Variants in SH3BP4 observed in about 807,000 individuals in gnomAD.
SH3BP4 encodes the protein SH3 domain-binding protein 4.
In SH3BP4, 33 loss-of-function variants were observed where a neutral mutation model predicts 65.5. That is an observed-to-expected ratio of 0.50 (90% confidence interval 0.38 to 0.67). The LOEUF is 0.67. Among genes scored for constraint, SH3BP4 ranks in the 30% least tolerant of loss-of-function variants. The pLI, the probability that SH3BP4 is intolerant of heterozygous loss-of-function variation, is 0.00. For synonymous variants in SH3BP4, 552 were observed against 545.5 expected, an observed-to-expected ratio of 1.01 and a Z score of -0.17; for missense variants, 1,134 against 1,261.4, an observed-to-expected ratio of 0.90 and a Z score of 1.53.
intron 1 of SH3BP4, among the ~76,000 whole-genome samples, chr2:234,971,234 G>T (rs112928604): frequency 2.0e-5 from 3 of 152,156 alleles, no homozygotes; most frequent in Middle Eastern, 3.2e-3. Context: ...GGTACCTCAC[G>T]TAGGTGGAAT....
chr2:234,988,043 G>A (rs548133287), intron 1 of SH3BP4, among the ~76,000 whole-genome samples: 2 of 152,080 alleles, frequency 1.3e-5, no homozygotes, highest in Non-Finnish European at 2.9e-5. Context: ...GGTGTTTAAT[G>A]TCATTTAGCT....
chr2:235,042,116 G>C lies in SH3BP4; in HGVS notation c.1347G>C (p.Met449Ile). The C allele has an allele frequency of 6.2e-7, 1 of 1,614,064 alleles. No individual in the cohort carries two copies. The highest frequency in any genetic ancestry group is 1.3e-5 in the African/African-American group (1 of 75,060). ...QAQLHNLEPC[M>I]YVAVVAHGPS... Reference sequence around the variant, plus strand: ...AGCTGCACAACCTGGAGCCCTGTATGTACGTGGCTGTCGTGGCCCATGGCC... The same window carrying C: ...AGCTGCACAACCTGGAGCCCTGTATCTACGTGGCTGTCGTGGCCCATGGCC... Residue 449 changes from methionine to isoleucine, a missense_variant, in exon 4 of 6, where the codon ATG becomes ATC. By Grantham distance (10) the Met-to-Ile change is conservative. Transcript: ENST00000392011. The surrounding 1 kb of genome is among the most constrained non-coding windows in gnomAD (Gnocchi z 7.3).
At chr2:234,984,000 G>T (rs560483317) in intron 1 of SH3BP4, among the ~76,000 whole-genome samples, 1 of 152,214 alleles carries the variant, frequency 6.6e-6, no homozygotes, top group East Asian at 1.9e-4. Flanking sequence ...GGAAAGTCAC[G>T]CAGGGTTCTG....
rs1306922771 is a variant in SH3BP4 at position 235,052,076 on chromosome 2, A to T, written c.2479-486A>T. ...GGCCTCCGTCTGGAAGCAGTGGGGG[A>T]GAAGGGGTTGCAGGCCTGCCTCTCC... On this transcript the variant is annotated intron_variant, in intron 4 of 5. Coordinates refer to ENST00000392011, the MANE Select transcript of SH3BP4 (RefSeq NM_014521.3). This position sits in a 1 kb window ranked among gnomAD's most constrained non-coding sequence, Gnocchi z 5.0. 6.6e-6 allele frequency among the ~76,000 whole-genome samples: 1 copy of T among 152,056 alleles called. No homozygotes were observed. The highest frequency in any genetic ancestry group is 1.5e-5 in the Non-Finnish European group (1 of 68,000).
chr2:235,007,748 C>T (rs937957953), intron 2 of SH3BP4, among the ~76,000 whole-genome samples: 37 of 152,106 alleles, frequency 2.4e-4, no homozygotes, highest in Non-Finnish European at 3.7e-4. Flanking sequence ...GCCCGGGCTG[C>T]GGCCATCCTG....
At chr2:235,036,279 G>A (rs1242738270) in intron 3 of SH3BP4, among the ~76,000 whole-genome samples, 2 of 152,332 alleles carry the variant, frequency 1.3e-5, no homozygotes, top group East Asian at 3.9e-4. Flanking sequence ...GAGCAACAGT[G>A]ATTGGGTGTT....
rs558421348 is a variant in SH3BP4, at chr2:234,976,083, GCA to G, written c.-206-19218_-206-19217del. On this transcript the variant is annotated intron_variant, in intron 1 of 5. Coordinates refer to ENST00000392011, the MANE Select transcript of SH3BP4 (RefSeq NM_014521.3). This position sits in a 1 kb window ranked among gnomAD's most constrained non-coding sequence, Gnocchi z 4.7. The stretch of plus-strand genomic sequence containing the variant: ...AACACGGGAGTCTGTGCCGAGTTTG[GCA>G]CCAGGGATGATGTGTGTGGTTGTAT... Among the ~76,000 whole-genome samples the G allele has an allele frequency of 3.9e-3, 588 of 152,254 alleles. 3 individuals carry two copies. The highest frequency in any genetic ancestry group is 0.013 in the African/African-American group (556 of 41,564).
chr2:235,052,574 A>G lies in SH3BP4; in HGVS notation c.2491A>G (p.Met831Val). Residue 831 changes from methionine (M) to valine (V), a missense_variant, in exon 5 of 6, where the codon ATG becomes GTG. Physicochemically the swap from Met to Val is conservative, Grantham distance 21. Coordinates refer to ENST00000392011, the MANE Select transcript of SH3BP4 (RefSeq NM_014521.3). This position sits in a 1 kb window ranked among gnomAD's most constrained non-coding sequence, Gnocchi z 5.0. Reference protein sequence around the residue: ...QKELVMALLKMDCQGLVVRLI... With the variant: ...QKELVMALLKVDCQGLVVRLI... ...TCTTCCTCTGCAGGCCCTACTGAAGATGGACTGCCAGGGCCTGGTGGTCAG... is the reference window on the plus strand; with the variant it reads ...TCTTCCTCTGCAGGCCCTACTGAAGGTGGACTGCCAGGGCCTGGTGGTCAG... 6.5e-7 allele frequency: 1 copy of G among 1,549,176 alleles called. No homozygotes were observed. Among genetic ancestry groups the G allele is most frequent in the Non-Finnish European group, 8.7e-7 (1 of 1,145,624 alleles).
intron 1 of SH3BP4, among the ~76,000 whole-genome samples, chr2:234,957,085 A>G (rs770153933): frequency 7.2e-5 from 11 of 151,916 alleles, no homozygotes; most frequent in Non-Finnish European, 1.0e-4. Flanking sequence ...CAGTGGTGCA[A>G]TCTCGGCTCA....
chr2:235,006,863 G>A (rs4663536), intron 2 of SH3BP4, among the ~76,000 whole-genome samples: 16,776 of 152,170 alleles, frequency 0.11, 1,404 homozygotes, highest in East Asian at 0.28. Flanking sequence ...CTCCGTGACA[G>A]CAGCAACATG....
intron 1 of SH3BP4, among the ~76,000 whole-genome samples, chr2:234,993,346 C>G (rs1693812242): frequency 6.6e-6 from 1 of 152,180 alleles, no homozygotes; most frequent in Non-Finnish European, 1.5e-5. Context: ...TCCCATCTGT[C>G]CTTTATGACG....
chr2:234,957,294 C>T (rs1177482656), intron 1 of SH3BP4, among the ~76,000 whole-genome samples: 2 of 152,118 alleles, frequency 1.3e-5, no homozygotes, highest in African/African-American at 4.8e-5. Flanking sequence ...GCTGGGATTA[C>T]AGATGCAAGC....
chr2:235,008,334 A>G (rs535459071), intron 2 of SH3BP4, among the ~76,000 whole-genome samples: 1 of 152,218 alleles, frequency 6.6e-6, no homozygotes, highest in East Asian at 1.9e-4. Flanking sequence ...GTCGCCTGGC[A>G]TGAGCTCTGG....
At chr2:235,053,521 C>A in intron 5 of SH3BP4, 71 bp from the exon 6 acceptor site, 1 of 1,203,558 alleles carries the variant, frequency 8.3e-7, no homozygotes, top group Non-Finnish European at 1.2e-6. Context: ...GTAATAGGAA[C>A]AAATCTCGTT....
At position 235,041,932 on chromosome 2, in the gene SH3BP4, A is replaced by G. The variant is rs1278670962; in HGVS notation, c.1163A>G (p.Lys388Arg). 3 of 1,613,542 alleles carry G rather than the reference A, an allele frequency of 1.9e-6. No homozygotes were observed. The highest frequency in any genetic ancestry group is 1.7e-6 in the Non-Finnish European group (2 of 1,179,756). ...LEVKLSNLEV[K>R]TSIILEMKVS... Reference sequence around the variant, plus strand: ...GTCAAGCTGAGCAACCTGGAGGTGAAAACCTCTATCATCTTGGAGATGAAA... The same window carrying G: ...GTCAAGCTGAGCAACCTGGAGGTGAGAACCTCTATCATCTTGGAGATGAAA... The change falls in exon 4 of 6, where the codon AAA (lysine) becomes AGA (arginine). Residue 388 changes from lysine (K) to arginine (R), a missense_variant. Coordinates refer to ENST00000392011, the MANE Select transcript of SH3BP4 (RefSeq NM_014521.3). This position sits in a 1 kb window ranked among gnomAD's most constrained non-coding sequence, Gnocchi z 6.0.
chr2:235,013,256 G>T (rs1477923780), intron 2 of SH3BP4, among the ~76,000 whole-genome samples: 1 of 152,100 alleles, frequency 6.6e-6, no homozygotes, highest in Non-Finnish European at 1.5e-5. Context: ...TGTGTGGTTC[G>T]CTGCCAGCCC....
intron 3 of SH3BP4, among the ~76,000 whole-genome samples, chr2:235,036,965 A>G (rs1255663155): frequency 6.6e-6 from 1 of 152,008 alleles, no homozygotes; most frequent in Non-Finnish European, 1.5e-5. Flanking sequence ...GAGGCGCCAC[A>G]TGTGACCCAG....
rs1693742449 is a variant in SH3BP4, at chr2:234,991,355, A to G, written c.-206-3948A>G. Among the ~76,000 whole-genome samples, 1 of 152,232 alleles carries G rather than the reference A, an allele frequency of 6.6e-6. No homozygotes were observed. The highest frequency in any genetic ancestry group is 2.1e-4 in the South Asian group (1 of 4,828). On this transcript the variant is annotated intron_variant, in intron 1 of 5. Transcript: ENST00000392011. This position sits in a 1 kb window ranked among gnomAD's most constrained non-coding sequence, Gnocchi z 4.2. ...TGAGACTGTCAACCATTGTTAAAACAGCTACTCAGATGGACAGAGTGACAT... is the reference window on the plus strand; with the variant it reads ...TGAGACTGTCAACCATTGTTAAAACGGCTACTCAGATGGACAGAGTGACAT...
At position 235,047,594 on chromosome 2, in the gene SH3BP4, T is replaced by C. The variant is rs142695388; in HGVS notation, c.2478+4347T>C. The stretch of plus-strand genomic sequence containing the variant: ...CGGGATACTGTCAGCACTCGGCACA[T>C]GGTCTCTGTTATGGTGGGGAAGGAA... On this transcript the variant is annotated intron_variant, in intron 4 of 5. Coordinates refer to ENST00000392011, the MANE Select transcript of SH3BP4 (RefSeq NM_014521.3). 4.8e-3 allele frequency among the ~76,000 whole-genome samples: 728 copies of C among 152,282 alleles called. 7 individuals carry two copies. Among genetic ancestry groups the C allele is most frequent in the African/African-American group, 0.017 (692 of 41,562 alleles).
Sources: gnomAD v4.1 joint callset for allele counts (sites outside exome capture counted in the v4.1 genomes callset) on GRCh38, gnomAD v4.1.1 for gene constraint, Gnocchi (gnomAD v3.1) non-coding constraint, MANE v1.5 for transcripts, NCBI Gene and HGNC (gene_info 2026-07-23, HGNC 2026-07-21) for gene names.